CNTNAP2: variants seen among roughly 807,000 people sequenced by gnomAD.
The protein encoded by CNTNAP2 is contactin-associated protein-like 2.
A neutral mutation model predicts 155.2 loss-of-function variants in CNTNAP2; 98 were observed. The ratio of observed to expected loss-of-function variants is 0.63; its 90% CI spans 0.54 to 0.75. The LOEUF is 0.75. Ranked by LOEUF, CNTNAP2 falls within the 30% of genes least tolerant of loss-of-function variation. CNTNAP2 has a pLI of 0.00. For missense variants in CNTNAP2, 1,727 were observed against 1,688.1 expected, an observed-to-expected ratio of 1.02 and a Z score of -0.40; for synonymous variants, 651 against 631.2, an observed-to-expected ratio of 1.03 and a Z score of -0.47.
chr7:147,223,258 T>C (rs1253512948), intron 8 of CNTNAP2, among the ~76,000 whole-genome samples: 2 of 152,182 alleles, frequency 1.3e-5, no homozygotes, highest in African/African-American at 4.8e-5. Context: ...AAGGGAGGAC[T>C]CTAAACATTT....
chr7:147,133,658 C>T (rs1801420942), intron 8 of CNTNAP2, among the ~76,000 whole-genome samples: 1 of 152,026 alleles, frequency 6.6e-6, no homozygotes, highest in East Asian at 1.9e-4. Flanking sequence ...TGACCCCTTT[C>T]AACTAACAGA....
At chr7:147,586,852 G>C (rs1324299716) in intron 12 of CNTNAP2, among the ~76,000 whole-genome samples, 1 of 152,036 alleles carries the variant, frequency 6.6e-6, no homozygotes, top group Admixed American at 6.6e-5. Flanking sequence ...ACACCATATG[G>C]GCTACCTGTG....
At chr7:146,699,130 G>A (rs1051205954) in intron 1 of CNTNAP2, among the ~76,000 whole-genome samples, 1 of 152,046 alleles carries the variant, frequency 6.6e-6, no homozygotes. Context: ...AGGTTATGAT[G>A]TTTGTTTTGT....
chr7:148,343,208 T>C (rs900929695), intron 21 of CNTNAP2, among the ~76,000 whole-genome samples: 3 of 152,202 alleles, frequency 2.0e-5, no homozygotes, highest in Non-Finnish European at 2.9e-5. Context: ...TTTTATCTTA[T>C]AGCCATGAGG....
At chr7:147,351,359 C>T (rs746690610) in intron 9 of CNTNAP2, among the ~76,000 whole-genome samples, 2 of 151,196 alleles carry the variant, frequency 1.3e-5, no homozygotes, top group Non-Finnish European at 3.0e-5. Context: ...ATATGCAGCT[C>T]CTGGAATAAT....
chr7:146,401,522 C>T (rs1795713622), intron 1 of CNTNAP2, among the ~76,000 whole-genome samples: 1 of 152,076 alleles, frequency 6.6e-6, no homozygotes, highest in Admixed American at 6.6e-5. Flanking sequence ...CAATCTGTTC[C>T]TTGGAACACT....
intron 11 of CNTNAP2, among the ~76,000 whole-genome samples, chr7:147,539,662 G>A (rs1438626666): frequency 6.6e-6 from 1 of 151,996 alleles, no homozygotes; most frequent in African/African-American, 2.4e-5. Context: ...TCAACTCCCA[G>A]GTGTAATCAA....
intron 11 of CNTNAP2, among the ~76,000 whole-genome samples, chr7:147,551,147 T>G (rs188150736): frequency 7.2e-5 from 11 of 152,182 alleles, no homozygotes; most frequent in African/African-American, 2.7e-4. Context: ...ACAAACAGTA[T>G]AGGTTTCTCC....
chr7:146,368,041 T>C (rs1795179852), intron 1 of CNTNAP2, among the ~76,000 whole-genome samples: 1 of 152,128 alleles, frequency 6.6e-6, no homozygotes, highest in Non-Finnish European at 1.5e-5. Context: ...AATTCTCTCT[T>C]GCTTTGAGTT....
chr7:148,297,165 A>AAGGAAGGAAGGAAGGAAGG lies in CNTNAP2; in HGVS notation c.3475+30040_3475+30041insGGAAGGAAGGAAGGAAGGA, dbSNP rs1797299988. ...AAAAAAAAAGAGAGGGAGATAGAGA[A>AAGGAAGGAAGGAAGGAAGG]AAGGAAGGAAGGAAGGAAGGAAGGA... On this transcript the variant is annotated intron_variant, in intron 21 of 23. Coordinates refer to ENST00000361727, the MANE Select transcript of CNTNAP2 (RefSeq NM_014141.6). Among the ~76,000 whole-genome samples, 46 of 128,926 alleles carry AAGGAAGGAAGGAAGGAAGG rather than the reference A, an allele frequency of 3.6e-4. 1 individual carries two copies. The Middle Eastern group carries it at 0.019, about 53-fold the overall frequency. The allele number at this position is 128,926 out of a possible 152,430, so 84.6% of individuals were successfully genotyped here. A position where few individuals can be genotyped will look rare whatever the true frequency, so the allele number is the denominator to read the frequency against.
chr7:148,223,870 G>C (rs903265588), intron 19 of CNTNAP2, among the ~76,000 whole-genome samples: 4 of 152,218 alleles, frequency 2.6e-5, no homozygotes, highest in African/African-American at 9.6e-5. Flanking sequence ...GGAACATAAA[G>C]GGGCCAGTGA....
intron 11 of CNTNAP2, among the ~76,000 whole-genome samples, chr7:147,534,679 G>A (rs564516985): frequency 3.1e-4 from 47 of 152,172 alleles, no homozygotes; most frequent in African/African-American, 9.9e-4. Context: ...AGTGGCCTTC[G>A]GGTGGAGAAA....
intron 21 of CNTNAP2, among the ~76,000 whole-genome samples, chr7:148,286,909 C>G (rs1437736230): frequency 6.6e-6 from 1 of 152,210 alleles, no homozygotes; most frequent in Admixed American, 6.5e-5. Flanking sequence ...CTTTCTACGT[C>G]ATGTTTTTGG....
At chr7:146,695,662 A>T (rs2129172320) in intron 1 of CNTNAP2, among the ~76,000 whole-genome samples, 1 of 152,156 alleles carries the variant, frequency 6.6e-6, no homozygotes, top group African/African-American at 2.4e-5. Flanking sequence ...CATGAGCTCA[A>T]GCAATTCACC....
intron 10 of CNTNAP2, among the ~76,000 whole-genome samples, chr7:147,442,739 G>C (rs1479413975): frequency 2.0e-5 from 3 of 152,084 alleles, no homozygotes; most frequent in Non-Finnish European, 4.4e-5. Context: ...TGTCAGGACT[G>C]GGTCATTTCC....
chr7:147,103,640 C>T (rs1263660906), intron 4 of CNTNAP2, among the ~76,000 whole-genome samples: 1 of 151,852 alleles, frequency 6.6e-6, no homozygotes, highest in South Asian at 2.1e-4. Context: ...TCCAAATTTA[C>T]TAGTTTTTAA....
intron 10 of CNTNAP2, among the ~76,000 whole-genome samples, chr7:147,464,687 G>C (rs2373133): frequency 0.78 from 118,858 of 152,046 alleles, 46,825 homozygotes; most frequent in African/African-American, 0.88. Flanking sequence ...TTGAACCCAG[G>C]AGAAGTGAAC....
At chr7:146,390,869 C>A (rs1795531378) in intron 1 of CNTNAP2, among the ~76,000 whole-genome samples, 1 of 138,864 alleles carries the variant, frequency 7.2e-6, no homozygotes, top group Non-Finnish European at 1.5e-5. Context: ...GAGATTGAGA[C>A]CATCCTGGCC....
At chr7:147,486,475 C>CCATCA (rs1171198341) in intron 11 of CNTNAP2, among the ~76,000 whole-genome samples, 1 of 152,118 alleles carries the variant, frequency 6.6e-6, no homozygotes, top group African/African-American at 2.4e-5. Flanking sequence ...CTGCCTCATG[C>CCATCA]TTTAGCCCAA....
Sources: allele counts gnomAD v4.1 joint callset (sites outside exome capture counted in the v4.1 genomes callset), GRCh38; gene constraint gnomAD v4.1.1; transcripts MANE v1.5; gene names NCBI Gene and HGNC (gene_info 2026-07-23, HGNC 2026-07-21).